Variants in MCIDAS observed in about 807,000 individuals in gnomAD.
MCIDAS encodes the protein multicilin.
A neutral mutation model predicts 35.4 loss-of-function variants in MCIDAS; 23 were observed. The observed-to-expected ratio is 0.65, with a 90% CI of 0.47 to 0.92. MCIDAS has a LOEUF of 0.92. Among genes scored for constraint, MCIDAS ranks in the 40% least tolerant of loss-of-function variants. The probability of loss-of-function intolerance (pLI) is 0.00; values close to 1 mark genes in which losing one functional copy is unlikely to be tolerated. For synonymous variants in MCIDAS, 228 were observed against 235.2 expected, an observed-to-expected ratio of 0.97 and a Z score of 0.28; for missense variants, 480 against 531.8, an observed-to-expected ratio of 0.90 and a Z score of 0.96.
intron 3 of MCIDAS, among the ~76,000 whole-genome samples, chr5:55,226,298 T>C (rs1298577374): frequency 6.6e-6 from 1 of 150,962 alleles, no homozygotes; most frequent in African/African-American, 2.4e-5. Flanking sequence ...CTCCAAAGAG[T>C]AGATAGGGTG....
At chr5:55,222,087 A>T in intron 5 of MCIDAS, 89 bp downstream of exon 5, 2 of 1,143,680 alleles carry the variant, frequency 1.7e-6, no homozygotes, top group Non-Finnish European at 2.5e-6. Flanking sequence ...GACTCACAGG[A>T]CCTCATCTTC....
rs1259667462 is a variant in MCIDAS at position 55,221,008 on chromosome 5, C to G, written c.717+8G>C. On this transcript the variant is annotated splice_region_variant and intron_variant, in intron 6 of 6. Transcript: ENST00000513312. ...GCTGCAGTTCCCACACGCCCGCGCC[C>G]CACTTACATCCAGCACCGAGGCCAG... 6.5e-7 allele frequency: 1 copy of G among 1,534,028 alleles called. No individual in the cohort carries two copies. Among genetic ancestry groups the G allele is most frequent in the African/African-American group, 1.4e-5 (1 of 73,142 alleles).
At chr5:55,225,159 G>C (rs1001852664) in intron 3 of MCIDAS, among the ~76,000 whole-genome samples, 2 of 152,162 alleles carry the variant, frequency 1.3e-5, no homozygotes, top group Non-Finnish European at 2.9e-5. Flanking sequence ...AGTGAGCCAT[G>C]ATCATGTCAC....
rs1745402454 is a variant in MCIDAS, at chr5:55,223,541, C to A, written c.310-518G>T. On this transcript the variant is annotated intron_variant, in intron 3 of 6. Transcript: ENST00000513312. This position sits in a 1 kb window ranked among gnomAD's most constrained non-coding sequence, Gnocchi z 4.4. The stretch of plus-strand genomic sequence containing the variant: ...AGCTCGGCGGTTCCCTGTGCGCCTG[C>A]GAAATTTTGACTCCGACTCACCAGC... Among the ~76,000 whole-genome samples the A allele has an allele frequency of 6.6e-6, 1 of 152,200 alleles. No individual in the cohort carries two copies. The highest frequency in any genetic ancestry group is 2.4e-5 in the African/African-American group (1 of 41,454).
chr5:55,226,956 C>T (rs957382771), intron 1 of MCIDAS, 25 bp from the exon 2 acceptor site: 2 of 1,483,536 alleles, frequency 1.3e-6, no homozygotes, highest in East Asian at 2.7e-5. Context: ...AAACGTTGAA[C>T]GCGGGTCAGC....
rs1200686776 is a variant in MCIDAS, at chr5:55,222,840, G to A, written c.382+111C>T. The A allele has an allele frequency of 4.5e-6, 4 of 895,158 alleles. No individual in the cohort carries two copies. The Middle Eastern group carries it at 6.5e-4, about 145-fold the overall frequency. The allele number at this position is 895,158 out of a possible 1,614,324, so 55.5% of individuals were successfully genotyped here. ...CTCTTTGATGAGTTGCTGGAGAGTC[G>A]TTGACAGTTGGCTGGGTTTACCACC... On this transcript the variant is annotated intron_variant, in intron 4 of 6. Transcript: ENST00000513312.
chr5:55,220,659 C>T lies in MCIDAS; in HGVS notation c.865G>A (p.Glu289Lys). The stretch of plus-strand genomic sequence containing the variant: ...CTCTGAAGGGCTTCATCGCAGCGCT[C>T]GGAAATCTCCCTCAGGATGGCGTCC... ...EVDAILREISERCDEALQSRD... is the reference protein window; with the variant it reads ...EVDAILREISKRCDEALQSRD... Residue 289 changes from glutamate to lysine, a missense_variant, in exon 7 of 7, where the codon GAG (glutamate) becomes AAG (lysine). Glu to Lys is a moderately conservative substitution (Grantham distance 56). Coordinates refer to ENST00000513312, the MANE Select transcript of MCIDAS (RefSeq NM_001190787.3). 1 of 1,536,100 alleles carries T rather than the reference C, an allele frequency of 6.5e-7. No homozygotes were observed. Among genetic ancestry groups the T allele is most frequent in the Non-Finnish European group, 8.7e-7 (1 of 1,146,876 alleles).
Position 55,226,944 on chromosome 5 carries a change from A to G in MCIDAS, c.121-13T>C. On this transcript the variant is annotated splice_polypyrimidine_tract_variant and intron_variant, in intron 1 of 6. Coordinates refer to ENST00000513312, the MANE Select transcript of MCIDAS (RefSeq NM_001190787.3). The stretch of plus-strand genomic sequence containing the variant: ...GCGGAGGAGCGAACTGGCCGGGCAC[A>G]CAAACGTTGAACGCGGGTCAGCCCT... 1 of 1,472,704 alleles carries G rather than the reference A, an allele frequency of 6.8e-7. No individual in the cohort carries two copies. The highest frequency in any genetic ancestry group is 8.9e-7 in the Non-Finnish European group (1 of 1,120,278). 91.2% of individuals were successfully genotyped at this position (1,472,704 alleles called of 1,614,324 possible).
chr5:55,226,540 C>T, intron 3 of MCIDAS, 36 bp downstream of exon 3: 14 of 1,522,332 alleles, frequency 9.2e-6, no homozygotes, highest in African/African-American at 5.5e-5. Flanking sequence ...GTTTGGGTTG[C>T]GTGAAACCAC....
At position 55,223,093 on chromosome 5, in the gene MCIDAS, T is replaced by C; in HGVS notation, c.310-70A>G. 1 of 1,317,788 alleles carries C rather than the reference T, an allele frequency of 7.6e-7. No homozygotes were observed. Among genetic ancestry groups the C allele is most frequent in the Non-Finnish European group, 1.1e-6 (1 of 949,162 alleles). The allele number at this position is 1,317,788 out of a possible 1,614,324, so 81.6% of individuals were successfully genotyped here. Reference sequence around the variant, plus strand: ...AGAAAGCCTTCAATAAATATTGGCGTCCCTGTTAAAAATCTGGCAGGCACT... The same window carrying C: ...AGAAAGCCTTCAATAAATATTGGCGCCCCTGTTAAAAATCTGGCAGGCACT... On this transcript the variant is annotated intron_variant, in intron 3 of 6. Transcript: ENST00000513312. This position sits in a 1 kb window ranked among gnomAD's most constrained non-coding sequence, Gnocchi z 4.4.
At position 55,220,248 on chromosome 5, in the gene MCIDAS, G is replaced by A. The variant is rs1189726356; in HGVS notation, c.*118C>T. On this transcript the variant is annotated 3_prime_UTR_variant, in exon 7 of 7. Coordinates refer to ENST00000513312, the MANE Select transcript of MCIDAS (RefSeq NM_001190787.3). ...ATTTACAATGCATCGGTATCAAGAT[G>A]CTTTTGTTCCTGAAAAAGTGTTTCA... 1.0e-6 allele frequency: 1 copy of A among 958,642 alleles called. No individual in the cohort carries two copies. The highest frequency in any genetic ancestry group is 1.7e-5 in the African/African-American group (1 of 60,450). The allele number at this position is 958,642 out of a possible 1,614,324, so 59.4% of individuals were successfully genotyped here. A position where few individuals can be genotyped will look rare whatever the true frequency, so the allele number is the denominator to read the frequency against.
chr5:55,220,866 G>T (rs1203244717), intron 6 of MCIDAS, 60 bp from the exon 7 acceptor site: 2 of 1,484,250 alleles, frequency 1.3e-6, no homozygotes, highest in Non-Finnish European at 1.8e-6. Context: ...GGTTCGGAGC[G>T]TGCAAAAGGT....
Position 55,220,634 on chromosome 5 carries a change from C to T in MCIDAS, c.890G>A (p.Ser297Asn). The T allele has an allele frequency of 6.5e-7, 1 of 1,536,142 alleles. No homozygotes were observed. The highest frequency in any genetic ancestry group is 8.7e-7 in the Non-Finnish European group (1 of 1,146,896). ...CAGTCGGGGCCGCTTGGGATCGCGG[C>T]TCTGAAGGGCTTCATCGCAGCGCTC... ...ISERCDEALQ[S>N]RDPKRPRLLP... The change falls in exon 7 of 7, where the codon AGC becomes AAC. Residue 297 changes from serine to asparagine, a missense_variant. Transcript: ENST00000513312.
chr5:55,221,044 C>T lies in MCIDAS; in HGVS notation c.689G>A (p.Arg230Gln), dbSNP rs1171672829. The T allele has an allele frequency of 1.2e-5, 19 of 1,535,972 alleles. No homozygotes were observed. The highest frequency in any genetic ancestry group is 1.3e-5 in the Non-Finnish European group (15 of 1,146,876). The change falls in exon 6 of 7, where the codon CGA becomes CAA. Residue 230 changes from arginine to glutamine, a missense_variant. Arg to Gln is a conservative substitution (Grantham distance 43). Transcript: ENST00000513312. ...CAGCACCGAGGCCAGGTGCCGGGTT[C>T]GGCTGGCGAGTTCCTTCAGCTGCAC... ...RNVQLKELAS[R>Q]TRHLASVLDK... is the part of the protein sequence containing the mutation.
In MCIDAS at chr5:55,220,218, C is replaced by A; in HGVS notation, c.*148G>T. 1 of 758,524 alleles carries A rather than the reference C, an allele frequency of 1.3e-6. No individual in the cohort carries two copies. The highest frequency in any genetic ancestry group is 1.9e-5 in the South Asian group (1 of 52,184). The allele number at this position is 758,524 out of a possible 1,614,324, so 47.0% of individuals were successfully genotyped here. A position where few individuals can be genotyped will look rare whatever the true frequency, so the allele number is the denominator to read the frequency against. ...GGAGGGGCTATACAATGTTTTGTAG[C>A]AGAAATTTACAATGCATCGGTATCA... On this transcript the variant is annotated 3_prime_UTR_variant, in exon 7 of 7. Transcript: ENST00000513312.
In MCIDAS at chr5:55,223,455, C is replaced by T. The variant is rs1375956252; in HGVS notation, c.310-432G>A. Among the ~76,000 whole-genome samples, 2 of 152,204 alleles carry T rather than the reference C, an allele frequency of 1.3e-5. No homozygotes were observed. The highest frequency in any genetic ancestry group is 2.9e-5 in the Non-Finnish European group (2 of 68,032). ...CCACCGGCGGTGCGGCGGCCCTGCGCCGGCTCCGGGCAGCCGAGTAGCCCG... is the reference window on the plus strand; with the variant it reads ...CCACCGGCGGTGCGGCGGCCCTGCGTCGGCTCCGGGCAGCCGAGTAGCCCG... On this transcript the variant is annotated intron_variant, in intron 3 of 6. Coordinates refer to ENST00000513312, the MANE Select transcript of MCIDAS (RefSeq NM_001190787.3). This position sits in a 1 kb window ranked among gnomAD's most constrained non-coding sequence, Gnocchi z 4.4.
At position 55,222,261 on chromosome 5, in the gene MCIDAS, T is replaced by A. The variant is rs1246951723; in HGVS notation, c.521A>T (p.Asp174Val). 6.5e-7 allele frequency: 1 copy of A among 1,536,072 alleles called. No individual in the cohort carries two copies. ...ALQSPPLRPP[D>V]VPPPEQYWKE... ...CCAGTATTGCTCAGGCGGGGGCACGTCTGGAGGGCGCAGCGGTGGTGACTG... is the reference window on the plus strand; with the variant it reads ...CCAGTATTGCTCAGGCGGGGGCACGACTGGAGGGCGCAGCGGTGGTGACTG... Residue 174 changes from aspartate to valine, a missense_variant, in exon 5 of 7, where the codon GAC (aspartate) becomes GTC (valine). By Grantham distance (152) the Asp-to-Val change is radical. Transcript: ENST00000513312.
In MCIDAS at chr5:55,219,964, T is replaced by C. The variant is rs1165564938; in HGVS notation, c.*402A>G. 4.3e-5 allele frequency: 7 copies of C among 161,128 alleles called. No individual in the cohort carries two copies. Among genetic ancestry groups the C allele is most frequent in the Non-Finnish European group, 8.2e-5 (6 of 73,502 alleles). The allele number at this position is 161,128 out of a possible 1,614,324, so 10.0% of individuals were successfully genotyped here. On this transcript the variant is annotated 3_prime_UTR_variant, in exon 7 of 7. Transcript: ENST00000513312. ...GTCCTTAAGTGACTAGTTAAAGTGA[T>C]TGAAAGGTTCCAGTGTTTCCCATTG...
chr5:55,227,152 T>C lies in MCIDAS; in HGVS notation c.-14A>G. 1 of 1,426,712 alleles carries C rather than the reference T, an allele frequency of 7.0e-7. No homozygotes were observed. The highest frequency in any genetic ancestry group is 1.5e-5 in the South Asian group (1 of 67,754). The allele number at this position is 1,426,712 out of a possible 1,614,324, so 88.4% of individuals were successfully genotyped here. On this transcript the variant is annotated 5_prime_UTR_variant, in exon 1 of 7. Coordinates refer to ENST00000513312, the MANE Select transcript of MCIDAS (RefSeq NM_001190787.3). ...GCACGCCTGCATTGTGCCTCCTGCC[T>C]CCGGGTGCCGACTGCTCGGAGGCGG...
Sources: allele counts gnomAD v4.1 joint callset (sites outside exome capture counted in the v4.1 genomes callset), GRCh38; gene constraint gnomAD v4.1.1; non-coding constraint Gnocchi (gnomAD v3.1); transcripts MANE v1.5; gene names NCBI Gene and HGNC (gene_info 2026-07-23, HGNC 2026-07-21).